The following DPP10 variants were observed in gnomAD, a reference collection of about 807,000 sequenced individuals.
The protein encoded by DPP10 is dipeptidyl peptidase like 10.
A neutral mutation model predicts 120.9 loss-of-function variants in DPP10; 33 were observed. The observed-to-expected ratio is 0.27, with a 90% confidence interval of 0.21 to 0.37. DPP10 has a LOEUF of 0.37. Ranked by LOEUF, DPP10 falls within the 10% of genes least tolerant of loss-of-function variation. DPP10 has a pLI of 1.00. For missense variants in DPP10, 816 were observed against 942.8 expected (o/e 0.87, Z 1.76); for synonymous variants, 337 against 326.1 (o/e 1.03, Z -0.36).
Position 115,836,360 on chromosome 2 carries a change from G to C in DPP10, c.2050+104G>C, listed in dbSNP as rs1689527851. ...TGAGCTCATTTATCATATGTTATTA[G>C]AGCCTGTTTTCAGCTGTTTATCTCC... On this transcript the variant is annotated intron_variant, in intron 22 of 25. Transcript: ENST00000410059. The C allele has an allele frequency of 3.6e-6, 5 of 1,374,336 alleles. No homozygotes were observed. In the South Asian group the frequency reaches 5.2e-5, roughly 14 times the overall value. 85.1% of individuals were successfully genotyped at this position (1,374,336 alleles called of 1,614,324 possible).
intron 1 of DPP10, among the ~76,000 whole-genome samples, chr2:115,262,746 A>T (rs1354589820): frequency 6.6e-6 from 1 of 152,148 alleles, no homozygotes; most frequent in Non-Finnish European, 1.5e-5. Flanking sequence ...TTTTCTCCTC[A>T]TCTGTAATGT....
intron 1 of DPP10, among the ~76,000 whole-genome samples, chr2:115,137,128 C>T (rs1256220037): frequency 1.3e-5 from 2 of 152,098 alleles, no homozygotes; most frequent in Non-Finnish European, 2.9e-5. Flanking sequence ...AGGAGGTCAT[C>T]TGTGCTAATG....
intron 1 of DPP10, among the ~76,000 whole-genome samples, chr2:114,924,073 A>T (rs758406477): frequency 2.8e-4 from 42 of 152,132 alleles, no homozygotes; most frequent in Admixed American, 5.2e-4. Context: ...TGCCATGCTG[A>T]TTAACTTGCT....
rs149510357 is a variant in DPP10 at position 115,777,276 on chromosome 2, A to C, written c.1290A>C (p.Ala430=). The C allele has an allele frequency of 3.1e-6, 5 of 1,613,090 alleles. No individual in the cohort carries two copies. The South Asian group carries it at 5.5e-5, about 18-fold the overall frequency. ...ACTGGGAAGTGATAAAGATCTTGGC[A>C]TACGATGAAACTACTCAAAAAATGT... ...SGNWEVIKIL[A]YDETTQKIYF... The change falls in exon 14 of 26, where the codon GCA becomes GCC. Residue 430 remains alanine, a synonymous_variant. Transcript: ENST00000410059.
chr2:114,571,918 C>T (rs1050471349), intron 1 of DPP10, among the ~76,000 whole-genome samples: 3 of 145,798 alleles, frequency 2.1e-5, no homozygotes, highest in Non-Finnish European at 4.5e-5. Context: ...ATATTGTGTA[C>T]ATATTGTGTA....
chr2:115,180,206 A>G (rs1408866345), intron 1 of DPP10, among the ~76,000 whole-genome samples: 1 of 152,162 alleles, frequency 6.6e-6, no homozygotes, highest in East Asian at 1.9e-4. Context: ...ATGTATGGGC[A>G]TGGTTGAGGA....
At chr2:114,444,476 T>C (rs962441119) in intron 1 of DPP10, among the ~76,000 whole-genome samples, 12 of 152,182 alleles carry the variant, frequency 7.9e-5, no homozygotes, top group Admixed American at 7.2e-4. Context: ...TTTTCCCTTT[T>C]CTTTATTGAG....
chr2:114,840,113 T>C (rs901790972), intron 1 of DPP10, among the ~76,000 whole-genome samples: 1 of 152,198 alleles, frequency 6.6e-6, no homozygotes, highest in African/African-American at 2.4e-5. Context: ...GTTGTTTTCC[T>C]AAGTAAATCA....
intron 5 of DPP10, among the ~76,000 whole-genome samples, chr2:115,551,201 C>T (rs2079850635): frequency 6.6e-6 from 1 of 152,080 alleles, no homozygotes; most frequent in Admixed American, 6.6e-5. Flanking sequence ...CTTTTGTAGA[C>T]ATTTCAGATT....
At chr2:115,446,686 C>A (rs2104924761) in intron 3 of DPP10, among the ~76,000 whole-genome samples, 1 of 152,142 alleles carries the variant, frequency 6.6e-6, no homozygotes, top group East Asian at 1.9e-4. Context: ...TGCAGGCATA[C>A]CCGTCTGAGT....
chr2:115,049,052 T>C (rs552808906), intron 1 of DPP10, among the ~76,000 whole-genome samples: 103 of 152,044 alleles, frequency 6.8e-4, no homozygotes, highest in African/African-American at 2.4e-3. Context: ...GAGTGATGGG[T>C]GGTTTGGTAG....
chr2:115,305,768 T>A (rs997987813), intron 1 of DPP10, among the ~76,000 whole-genome samples: 29 of 151,276 alleles, frequency 1.9e-4, no homozygotes, highest in South Asian at 6.3e-4. Flanking sequence ...AAAAAAAAAA[T>A]AAAATTTTCT....
chr2:114,908,574 C>G (rs573091473), intron 1 of DPP10, among the ~76,000 whole-genome samples: 7 of 151,798 alleles, frequency 4.6e-5, no homozygotes, highest in African/African-American at 1.7e-4. Flanking sequence ...AAGCTCTATT[C>G]CTTCTTTCTT....
At chr2:115,552,574 T>G (rs1386545235) in intron 5 of DPP10, among the ~76,000 whole-genome samples, 2 of 152,102 alleles carry the variant, frequency 1.3e-5, no homozygotes, top group Non-Finnish European at 2.9e-5. Context: ...ATAGGTATTT[T>G]GAAGGAGGTG....
chr2:115,044,193 C>T (rs1233568743), intron 1 of DPP10, among the ~76,000 whole-genome samples: 2 of 151,952 alleles, frequency 1.3e-5, no homozygotes, highest in African/African-American at 2.4e-5. Flanking sequence ...AATTGACTCA[C>T]GCTTCTGCAG....
intron 1 of DPP10, among the ~76,000 whole-genome samples, chr2:115,273,625 C>T (rs1036143037): frequency 6.6e-6 from 1 of 152,172 alleles, no homozygotes; most frequent in African/African-American, 2.4e-5. Context: ...CGTGAGCCAC[C>T]GCGCCCGGCC....
chr2:114,937,229 G>C (rs985440694), intron 1 of DPP10, among the ~76,000 whole-genome samples: 1 of 152,100 alleles, frequency 6.6e-6, no homozygotes, highest in African/African-American at 2.4e-5. Context: ...TCAGGTCTTA[G>C]ATTTAGGTCT....
At chr2:114,779,875 G>A (rs946961707) in intron 1 of DPP10, among the ~76,000 whole-genome samples, 7 of 151,830 alleles carry the variant, frequency 4.6e-5, no homozygotes, top group Admixed American at 6.6e-5. Flanking sequence ...GGTGGCTCAC[G>A]CCTGTCATCC....
intron 5 of DPP10, among the ~76,000 whole-genome samples, chr2:115,587,545 C>T (rs914508914): frequency 1.3e-5 from 2 of 152,106 alleles, no homozygotes; most frequent in African/African-American, 2.4e-5. Context: ...AAAATAAAAT[C>T]GGTATCTTGA....
Sources: gnomAD v4.1 joint callset for allele counts (sites outside exome capture counted in the v4.1 genomes callset) on GRCh38, gnomAD v4.1.1 for gene constraint, MANE v1.5 for transcripts, NCBI Gene and HGNC (gene_info 2026-07-23, HGNC 2026-07-21) for gene names.